HERC5: variants seen among roughly 807,000 people sequenced by gnomAD.
The protein encoded by HERC5 is E3 ISG15--protein ligase HERC5.
In HERC5, 99 loss-of-function variants were observed where a neutral mutation model predicts 119.6. That is an observed-to-expected ratio of 0.83 (90% CI 0.70 to 0.98). HERC5 has a LOEUF of 0.98. Among genes scored for constraint, HERC5 ranks in the 50% least tolerant of loss-of-function variants. HERC5 has a pLI of 0.00. For synonymous variants in HERC5, 478 were observed against 445.9 expected (o/e 1.07, Z -0.91); for missense variants, 1,267 against 1,241.3 (o/e 1.02, Z -0.31).
intron 6 of HERC5, among the ~76,000 whole-genome samples, chr4:88,466,620 C>T (rs146622089): frequency 6.6e-6 from 1 of 152,296 alleles, no homozygotes; most frequent in East Asian, 1.9e-4. Flanking sequence ...AAGGCAGATT[C>T]CTTGCTACAC....
rs1027144407 is a variant in HERC5 at position 88,468,407 on chromosome 4, C to A, written c.1119C>A (p.Leu373=). 10 of 1,609,206 alleles carry A rather than the reference C, an allele frequency of 6.2e-6. No individual in the cohort carries two copies. In the South Asian group the frequency reaches 1.1e-4, roughly 18 times the overall value. The change falls in exon 8 of 23, where the codon CTC becomes CTA. Residue 373 remains leucine, a synonymous_variant. Coordinates refer to ENST00000264350, the MANE Select transcript of HERC5 (RefSeq NM_016323.4). The part of the protein sequence containing the change: ...MIAGGNQSIL[L]WIKKENSYVN... Reference sequence around the variant, plus strand: ...CTGGAGGGAATCAAAGCATTTTGCTCTGGATAAAGAAAGAGGTAAAAATAG... The same window carrying A: ...CTGGAGGGAATCAAAGCATTTTGCTATGGATAAAGAAAGAGGTAAAAATAG...
At position 88,501,257 on chromosome 4, in the gene HERC5, C is replaced by T. The variant is rs1230450882; in HGVS notation, c.2582+272C>T. Among the ~76,000 whole-genome samples, 3 of 152,186 alleles carry T rather than the reference C, an allele frequency of 2.0e-5. No homozygotes were observed. The East Asian group carries it at 5.8e-4, about 29-fold the overall frequency. ...ATCTGTCCCTCTTTATCCACTCGTT[C>T]TGCTTTTTCTTTTCATATCACACAT... On this transcript the variant is annotated intron_variant, in intron 20 of 22. Coordinates refer to ENST00000264350, the MANE Select transcript of HERC5 (RefSeq NM_016323.4).
intron 16 of HERC5, among the ~76,000 whole-genome samples, chr4:88,490,157 CTTA>C (rs1213386452): frequency 6.6e-6 from 1 of 152,144 alleles, no homozygotes; most frequent in Non-Finnish European, 1.5e-5. Flanking sequence ...TATAATTTGT[CTTA>C]TTAGTAAATA....
chr4:88,466,074 GT>G (rs1347610420), intron 6 of HERC5, among the ~76,000 whole-genome samples: 1 of 149,320 alleles, frequency 6.7e-6, no homozygotes, highest in Non-Finnish European at 1.5e-5. Flanking sequence ...GTCAAGAGTT[GT>G]TTTTGGTTTG....
chr4:88,474,920 G>C (rs1387819170), intron 11 of HERC5, among the ~76,000 whole-genome samples: 1 of 152,094 alleles, frequency 6.6e-6, no homozygotes, highest in Non-Finnish European at 1.5e-5. Context: ...TTAAACAAAT[G>C]ATTACTGTGA....
chr4:88,499,211 GAGT>G (rs1741882284), intron 18 of HERC5, among the ~76,000 whole-genome samples: 4 of 152,198 alleles, frequency 2.6e-5, no homozygotes, highest in African/African-American at 7.2e-5. Context: ...TCAAGTCCCA[GAGT>G]ATTGGCAGTG....
intron 19 of HERC5, 108 bp from the exon 20 acceptor site, chr4:88,500,807 A>G (rs1741924631): frequency 1.2e-6 from 1 of 815,474 alleles, no homozygotes; most frequent in South Asian, 1.9e-5. Context: ...ACAAAAATGT[A>G]CATTTTAACA....
At position 88,479,434 on chromosome 4, in the gene HERC5, A is replaced by T. The variant is rs755743691; in HGVS notation, c.1664A>T (p.Asp555Val). 3.7e-6 allele frequency: 6 copies of T among 1,612,732 alleles called. No homozygotes were observed. Among genetic ancestry groups the T allele is most frequent in the Non-Finnish European group, 5.1e-6 (6 of 1,179,378 alleles). ...MFKTAVICQL[D>V]YWDESAEENG... ...AAAACAGCCGTCATATGCCAGTTGG[A>T]TTACTGGGATGAAAGTGCTGAGGAG... is the stretch of plus-strand genomic sequence containing the variant. The change falls in exon 13 of 23, where the codon GAT becomes GTT. Residue 555 changes from aspartate (D) to valine (V), a missense_variant. Coordinates refer to ENST00000264350, the MANE Select transcript of HERC5 (RefSeq NM_016323.4).
intron 11 of HERC5, chr4:88,473,583 CT>C (rs2149093961): frequency 6.6e-6 from 1 of 152,334 alleles, no homozygotes; most frequent in Non-Finnish European, 1.5e-5. Context: ...AATTATGTAC[CT>C]TTATTGGGAC....
rs1030350401 is a variant in HERC5, at chr4:88,486,140, C to T, written c.1763C>T (p.Pro588Leu). 16 of 1,609,888 alleles carry T rather than the reference C, an allele frequency of 9.9e-6. No homozygotes were observed. Among genetic ancestry groups the T allele is most frequent in the Non-Finnish European group, 1.3e-5 (15 of 1,177,444 alleles). ...HRVNQVKCQL[P>L]ESIFQVDELL... ...GTAAACCAGGTGAAATGTCAACTAC[C>T]TGAAAGTATTTTCCAAGTAGACGAA... Residue 588 changes from proline to leucine, a missense_variant, in exon 14 of 23, where the codon CCT becomes CTT. By Grantham distance (98) the Pro-to-Leu change is moderately conservative (BLOSUM62 -3). Around this residue, in one of 3 missense-constraint regions of HERC5, gnomAD observed 777 missense variants for 758.0 expected, o/e 1.03. Transcript: ENST00000264350.
rs1490703156 is a variant in HERC5 at position 88,460,139 on chromosome 4, GT to G, written c.435del (p.Cys145TrpfsTer79). 5 of 1,588,964 alleles carry G rather than the reference GT, an allele frequency of 3.1e-6. No individual in the cohort carries two copies. Among genetic ancestry groups the G allele is most frequent in the Non-Finnish European group, 4.3e-6 (5 of 1,159,652 alleles). On this transcript the variant is annotated frameshift_variant, in exon 3 of 23. Transcript: ENST00000264350. LOFTEE classifies it high-confidence loss of function. ...GAAAAAAAAATAATTCAGATCACAT[GT>G]GGAGATTACCATTCTCTTGCACTCT... ...LQEKKIIQIT[C>X]GDYHSLALSK...
chr4:88,497,385 G>C (rs1217064425), intron 18 of HERC5, among the ~76,000 whole-genome samples: 1 of 152,152 alleles, frequency 6.6e-6, no homozygotes, highest in African/African-American at 2.4e-5. Flanking sequence ...GACAATAAAG[G>C]CAATTCTGAT....
chr4:88,501,077 T>C, intron 20 of HERC5, 92 bp downstream of exon 20: 1 of 800,098 alleles, frequency 1.2e-6, no homozygotes, highest in Non-Finnish European at 2.0e-6. Flanking sequence ...TAATTTTTCA[T>C]TCTCATTAAT....
At chr4:88,492,926 T>G in intron 16 of HERC5, 86 bp from the exon 17 acceptor site, 1 of 1,304,422 alleles carries the variant, frequency 7.7e-7, no homozygotes, top group Non-Finnish European at 1.1e-6. Flanking sequence ...ACAATTAATG[T>G]TAGCTATTTA....
chr4:88,501,679 C>A, intron 20 of HERC5, among the ~76,000 whole-genome samples: 1 of 152,028 alleles, frequency 6.6e-6, no homozygotes, highest in East Asian at 1.9e-4. Flanking sequence ...CATAAATGTA[C>A]AGTTTAGTGA....
Position 88,505,923 on chromosome 4 carries a change from G to A in HERC5, c.*45G>A. On this transcript the variant is annotated 3_prime_UTR_variant, in exon 23 of 23. Coordinates refer to ENST00000264350, the MANE Select transcript of HERC5 (RefSeq NM_016323.4). ...GCCTTATTTTGTTGTTGTTATCGTT[G>A]TTGTTGTTGTTGTTGTTGTTGTTTC... 1 of 1,296,580 alleles carries A rather than the reference G, an allele frequency of 7.7e-7. No individual in the cohort carries two copies. The highest frequency in any genetic ancestry group is 1.1e-6 in the Non-Finnish European group (1 of 927,784). 80.3% of individuals were successfully genotyped at this position (1,296,580 alleles called of 1,614,324 possible).
At chr4:88,486,980 T>A (rs1741485375) in intron 14 of HERC5, 89 bp from the exon 15 acceptor site, 1 of 813,528 alleles carries the variant, frequency 1.2e-6, no homozygotes. Flanking sequence ...ACTGAGACCT[T>A]AAACCATCAG....
intron 11 of HERC5, chr4:88,473,607 A>T (rs913465696): frequency 1.3e-5 from 2 of 152,226 alleles, no homozygotes; most frequent in Non-Finnish European, 2.9e-5. Flanking sequence ...TACAACACTT[A>T]GTGCTGCCTG....
chr4:88,462,290 A>G lies in HERC5; in HGVS notation c.622A>G (p.Met208Val). ...AGEAHSMALSMSGNIYSWGKN... is the reference protein window; with the variant it reads ...AGEAHSMALSVSGNIYSWGKN... ...AGAAGCCCACAGCATGGCCTTATCCATGTCTGGCAACATTTATTCATGGGG... is the reference window on the plus strand; with the variant it reads ...AGAAGCCCACAGCATGGCCTTATCCGTGTCTGGCAACATTTATTCATGGGG... Residue 208 changes from methionine (M) to valine (V), a missense_variant, in exon 4 of 23, where the codon ATG (methionine) becomes GTG (valine). Met to Val is a conservative substitution (Grantham distance 21). Transcript: ENST00000264350. 2 of 1,614,206 alleles carry G rather than the reference A, an allele frequency of 1.2e-6. No individual in the cohort carries two copies. The highest frequency in any genetic ancestry group is 1.1e-5 in the South Asian group (1 of 91,080).
Sources: gnomAD v4.1 joint callset for allele counts (sites outside exome capture counted in the v4.1 genomes callset) on GRCh38, gnomAD v4.1.1 for gene constraint, gnomAD v4.1.1 regional missense constraint, MANE v1.5 for transcripts, NCBI Gene and HGNC (gene_info 2026-07-23, HGNC 2026-07-21) for gene names.